Variants in GRHL2 observed in about 807,000 individuals in gnomAD.
GRHL2 encodes the protein grainyhead like transcription factor 2, also known as grainyhead-like protein 2 homolog.
GRHL2 carries 21 observed loss-of-function variants against 83.8 expected under a neutral mutation model. The ratio of observed to expected loss-of-function variants is 0.25; its 90% CI spans 0.18 to 0.36. GRHL2 has a LOEUF of 0.36. Among genes scored for constraint, GRHL2 ranks in the 10% least tolerant of loss-of-function variants. The pLI, the probability that GRHL2 is intolerant of heterozygous loss-of-function variation, is 1.00. For synonymous variants in GRHL2, 280 were observed against 278.9 expected (o/e 1.00, Z -0.04); for missense variants, 623 against 781.8 (o/e 0.80, Z 2.42).
chr8:101,562,054 T>A, intron 4 of GRHL2: 1 of 735,678 alleles, frequency 1.4e-6, no homozygotes, highest in Non-Finnish European at 2.4e-6. Flanking sequence ...CATTTTCTCT[T>A]CCAACTACTT....
chr8:101,642,375 A>G (rs1813418913), intron 12 of GRHL2, among the ~76,000 whole-genome samples: 1 of 152,206 alleles, frequency 6.6e-6, no homozygotes, highest in Non-Finnish European at 1.5e-5. Context: ...ATATAAATAA[A>G]TCTTGCTTGG....
Position 101,631,655 on chromosome 8 carries a change from C to T in GRHL2, c.1276C>T (p.Arg426Ter). Residue 426 changes from arginine (R) to a stop codon, truncating the protein, a stop_gained, in exon 10 of 16, where the codon CGA becomes TGA. Coordinates refer to ENST00000646743, the MANE Select transcript of GRHL2 (RefSeq NM_024915.4). LOFTEE classifies it high-confidence loss of function. ...FCDKGAERKI[R>*]DEERKQNRKK... Reference sequence around the variant, plus strand: ...CTATCAGGGAGCAGAAAGAAAAATCCGAGATGAAGAGCGGAAGCAGAACAG... The same window carrying T: ...CTATCAGGGAGCAGAAAGAAAAATCTGAGATGAAGAGCGGAAGCAGAACAG... 6.2e-7 allele frequency: 1 copy of T among 1,613,422 alleles called. No homozygotes were observed. Among genetic ancestry groups the T allele is most frequent in the Non-Finnish European group, 8.5e-7 (1 of 1,179,626 alleles).
chr8:101,647,349 C>A (rs373389454), intron 13 of GRHL2, among the ~76,000 whole-genome samples: 1 of 152,080 alleles, frequency 6.6e-6, no homozygotes, highest in Non-Finnish European at 1.5e-5. Context: ...TGGGTGACAG[C>A]GAGACTCTGT....
intron 9 of GRHL2, among the ~76,000 whole-genome samples, chr8:101,620,345 A>G (rs6992430): frequency 0.48 from 73,002 of 152,008 alleles, 18,739 homozygotes; most frequent in African/African-American, 0.67. Flanking sequence ...GTTTGATCCA[A>G]TTAGATAGCT....
chr8:101,575,279 T>A (rs1811910174), intron 6 of GRHL2, among the ~76,000 whole-genome samples: 1 of 152,090 alleles, frequency 6.6e-6, no homozygotes, highest in Non-Finnish European at 1.5e-5. Flanking sequence ...ATCATTATCA[T>A]CAACCTGGAA....
At chr8:101,657,669 T>G (rs534216217) in intron 14 of GRHL2, among the ~76,000 whole-genome samples, 2 of 151,686 alleles carry the variant, frequency 1.3e-5, no homozygotes, top group African/African-American at 4.8e-5. Context: ...TGAAACCCCG[T>G]CTCTACTAAA....
chr8:101,519,670 T>C (rs910484758), intron 1 of GRHL2, among the ~76,000 whole-genome samples: 1 of 150,638 alleles, frequency 6.6e-6, no homozygotes, highest in Admixed American at 6.7e-5. Flanking sequence ...AACATACAAA[T>C]GACCTTCATC....
At chr8:101,553,899 T>C (rs1205418915) in intron 3 of GRHL2, among the ~76,000 whole-genome samples, 1 of 152,110 alleles carries the variant, frequency 6.6e-6, no homozygotes, top group East Asian at 1.9e-4. Context: ...GTGCTGGGAT[T>C]ACAGGTGTGG....
chr8:101,678,593 G>A, the GRHL2 span, among the ~76,000 whole-genome samples: 1 of 151,480 alleles, frequency 6.6e-6, no homozygotes, highest in Non-Finnish European at 1.5e-5. Flanking sequence ...GCTCAAGGAG[G>A]CCTGCCTGCC....
chr8:101,587,721 T>C (rs1812196597), intron 7 of GRHL2, among the ~76,000 whole-genome samples: 1 of 152,174 alleles, frequency 6.6e-6, no homozygotes, highest in South Asian at 2.1e-4. Context: ...TTTAATATTA[T>C]TGGATTGGCT....
At chr8:101,627,230 C>A (rs1321780784) in intron 9 of GRHL2, among the ~76,000 whole-genome samples, 2 of 151,996 alleles carry the variant, frequency 1.3e-5, no homozygotes, top group East Asian at 3.8e-4. Flanking sequence ...TTGTGACAAC[C>A]CTGTATTGAT....
At position 101,539,966 on chromosome 8, in the gene GRHL2, G is replaced by A. The variant is rs1200454370; in HGVS notation, c.21-3275G>A. Among the ~76,000 whole-genome samples, 8 of 152,086 alleles carry A rather than the reference G, an allele frequency of 5.3e-5. No individual in the cohort carries two copies. In the East Asian group the frequency reaches 5.8e-4, roughly 11 times the overall value. On this transcript the variant is annotated intron_variant, in intron 1 of 15. Coordinates refer to ENST00000646743, the MANE Select transcript of GRHL2 (RefSeq NM_024915.4). ...CGTGGGGTAAAGAACATTATGTCACGTGCCACTCCATCCTTAACAACCAGC... is the reference window on the plus strand; with the variant it reads ...CGTGGGGTAAAGAACATTATGTCACATGCCACTCCATCCTTAACAACCAGC...
chr8:101,677,471 C>T, the GRHL2 span, among the ~76,000 whole-genome samples: 12 of 151,820 alleles, frequency 7.9e-5, no homozygotes, highest in East Asian at 3.9e-4. Context: ...GTTCTATGTT[C>T]GGCTGCCACT....
At chr8:101,638,654 G>A (rs925849640) in intron 12 of GRHL2, among the ~76,000 whole-genome samples, 1 of 152,208 alleles carries the variant, frequency 6.6e-6, no homozygotes, top group East Asian at 1.9e-4. Context: ...CCTAGCTAAT[G>A]AGGAGCAGAA....
At position 101,558,722 on chromosome 8, in the gene GRHL2, G is replaced by C. The variant is rs201936629; in HGVS notation, c.588G>C (p.Ser196=). The C allele has an allele frequency of 1.9e-6, 3 of 1,613,928 alleles. No individual in the cohort carries two copies. The highest frequency in any genetic ancestry group is 4.5e-5 in the East Asian group (2 of 44,878). The stretch of plus-strand genomic sequence containing the variant: ...AACAGACTCAGTATGACGTGCCCTC[G>C]CTGGCCACCCACAGCGCCTATCTCA... The part of the protein sequence containing the change: ...IFEQTQYDVP[S]LATHSAYLKD... Residue 196 remains serine (S), a synonymous_variant, in exon 4 of 16, where the codon TCG becomes TCC. Coordinates refer to ENST00000646743, the MANE Select transcript of GRHL2 (RefSeq NM_024915.4).
intron 1 of GRHL2, among the ~76,000 whole-genome samples, chr8:101,518,955 C>T (rs959085666): frequency 6.6e-6 from 1 of 152,166 alleles, no homozygotes; most frequent in African/African-American, 2.4e-5. Flanking sequence ...TCCATTTCCC[C>T]CACTGGCCTC....
intron 4 of GRHL2, among the ~76,000 whole-genome samples, chr8:101,562,881 T>C (rs1811636469): frequency 6.6e-6 from 1 of 152,240 alleles, no homozygotes; most frequent in African/African-American, 2.4e-5. Context: ...TGTGTGGTTT[T>C]CCAGTTTCCT....
rs73699519 is a variant in GRHL2, at chr8:101,612,536, C to G, written c.1099-7003C>G. ...AGATAGATAGATACATACATACATA[C>G]ATACATACATACATACATAGATATT... On this transcript the variant is annotated intron_variant, in intron 8 of 15. Coordinates refer to ENST00000646743, the MANE Select transcript of GRHL2 (RefSeq NM_024915.4). Among the ~76,000 whole-genome samples, 1,197 of 149,322 alleles carry G rather than the reference C, an allele frequency of 8.0e-3. 48 individuals carry two copies. The highest frequency in any genetic ancestry group is 0.027 in the African/African-American group (1,069 of 39,310).
At chr8:101,495,355 C>G (rs1810075729) in intron 1 of GRHL2, among the ~76,000 whole-genome samples, 1 of 152,202 alleles carries the variant, frequency 6.6e-6, no homozygotes, top group Non-Finnish European at 1.5e-5. Context: ...GAAGTAGCAT[C>G]GTCTTTTTTA....
Sources: allele counts gnomAD v4.1 joint callset (sites outside exome capture counted in the v4.1 genomes callset), GRCh38; gene constraint gnomAD v4.1.1; transcripts MANE v1.5; gene names NCBI Gene and HGNC (gene_info 2026-07-23, HGNC 2026-07-21).